The following WASF1 variants were observed in gnomAD, a reference collection of about 807,000 sequenced individuals.
WASF1 encodes the protein WASP family member 1.
WASF1 carries 7 observed loss-of-function variants against 50.5 expected under a neutral mutation model. The ratio of observed to expected loss-of-function variants is 0.14; its 90% CI spans 0.08 to 0.26. WASF1 has a LOEUF of 0.26. Among genes scored for constraint, WASF1 ranks in the 10% least tolerant of loss-of-function variants. The pLI, the probability that WASF1 is intolerant of heterozygous loss-of-function variation, is 1.00. For synonymous variants in WASF1, 205 were observed against 244.0 expected (o/e 0.84, Z 1.49); for missense variants, 470 against 694.7 (o/e 0.68, Z 3.64).
chr6:110,167,438 T>C (rs767867482), intron 2 of WASF1, among the ~76,000 whole-genome samples: 4 of 151,934 alleles, frequency 2.6e-5, no homozygotes, highest in Non-Finnish European at 4.4e-5. Context: ...GATGTGGAGG[T>C]AGAAGACAGT....
intron 8 of WASF1, among the ~76,000 whole-genome samples, chr6:110,104,453 A>G (rs1365067685): frequency 6.6e-6 from 1 of 152,174 alleles, no homozygotes; most frequent in Non-Finnish European, 1.5e-5. Flanking sequence ...ATTTATATGT[A>G]TATTACTTAA....
chr6:110,171,766 T>C (rs1353077641), intron 2 of WASF1, among the ~76,000 whole-genome samples: 2 of 151,728 alleles, frequency 1.3e-5, no homozygotes, highest in Non-Finnish European at 2.9e-5. Flanking sequence ...TGGGAGAAAA[T>C]TTTTGCAATC....
intron 4 of WASF1, among the ~76,000 whole-genome samples, chr6:110,123,951 T>C (rs1221963251): frequency 6.6e-6 from 1 of 152,046 alleles, no homozygotes; most frequent in Non-Finnish European, 1.5e-5. Context: ...CCAGTGGTTG[T>C]TAATGAAAGG....
chr6:110,126,653 G>C (rs781693653), intron 4 of WASF1, among the ~76,000 whole-genome samples: 42 of 152,198 alleles, frequency 2.8e-4, no homozygotes, highest in Non-Finnish European at 5.0e-4. Context: ...TCTCTGCCAA[G>C]AACACCTTGT....
At chr6:110,101,513 A>G in intron 10 of WASF1, 75 bp downstream of exon 10, 2 of 1,514,174 alleles carry the variant, frequency 1.3e-6, no homozygotes, top group Non-Finnish European at 1.8e-6. Flanking sequence ...GATAAGGAAC[A>G]CATTTTTGTC....
In WASF1 at chr6:110,127,648, AAATT is replaced by A; in HGVS notation, c.-28-23_-28-20del. The A allele has an allele frequency of 6.8e-7, 1 of 1,467,918 alleles. No individual in the cohort carries two copies. Among genetic ancestry groups the A allele is most frequent in the Middle Eastern group, 1.8e-4 (1 of 5,512 alleles). 90.9% of individuals were successfully genotyped at this position (1,467,918 alleles called of 1,614,324 possible). On this transcript the variant is annotated intron_variant, in intron 3 of 10. Transcript: ENST00000392589. ...AGTTCACCTGTAGGAAATCAAAAAT[AAATT>A]AACAATATTAAATTTCAGCCAACAC... is the stretch of plus-strand genomic sequence containing the variant.
chr6:110,163,662 C>A (rs1776354774), intron 2 of WASF1, among the ~76,000 whole-genome samples: 1 of 151,698 alleles, frequency 6.6e-6, no homozygotes, highest in African/African-American at 2.4e-5. Context: ...ATCTTCCCAA[C>A]TTGATCTGTA....
chr6:110,169,580 G>A (rs1163318102), intron 2 of WASF1, among the ~76,000 whole-genome samples: 5 of 152,124 alleles, frequency 3.3e-5, no homozygotes, highest in Non-Finnish European at 7.4e-5. Context: ...CACTGCACAT[G>A]ACTTGAACTC....
intron 2 of WASF1, among the ~76,000 whole-genome samples, chr6:110,161,710 C>A (rs1488815692): frequency 1.3e-5 from 2 of 151,494 alleles, no homozygotes; most frequent in Non-Finnish European, 3.0e-5. Flanking sequence ...ATACCTTTTA[C>A]AATGAATTAT....
intron 2 of WASF1, among the ~76,000 whole-genome samples, chr6:110,173,740 T>C (rs56806615): frequency 0.086 from 13,039 of 152,232 alleles, 870 homozygotes; most frequent in African/African-American, 0.19. Flanking sequence ...CTGGCTTATC[T>C]AGCCCACAGG....
At chr6:110,137,349 A>G (rs779410671) in intron 3 of WASF1, among the ~76,000 whole-genome samples, 1 of 152,202 alleles carries the variant, frequency 6.6e-6, no homozygotes, top group Non-Finnish European at 1.5e-5. Context: ...TTCTAAATTA[A>G]CATCTCTCAT....
At chr6:110,101,119 A>G (rs1562159346) in intron 10 of WASF1, among the ~76,000 whole-genome samples, 2 of 152,220 alleles carry the variant, frequency 1.3e-5, no homozygotes, top group Non-Finnish European at 2.9e-5. Flanking sequence ...TTAGGAAATA[A>G]TGACAATAAA....
intron 3 of WASF1, among the ~76,000 whole-genome samples, chr6:110,129,524 A>G (rs916432187): frequency 6.6e-6 from 1 of 152,218 alleles, no homozygotes; most frequent in African/African-American, 2.4e-5. Context: ...AGGAAGTGAC[A>G]CTAGCAAAAA....
At chr6:110,135,185 G>A (rs1463646642) in intron 3 of WASF1, among the ~76,000 whole-genome samples, 1 of 152,180 alleles carries the variant, frequency 6.6e-6, no homozygotes, top group Non-Finnish European at 1.5e-5. Context: ...CACTATTGGT[G>A]TATAGCAGTG....
intron 2 of WASF1, among the ~76,000 whole-genome samples, chr6:110,161,998 A>C (rs1022631617): frequency 2.0e-5 from 3 of 151,604 alleles, no homozygotes; most frequent in Non-Finnish European, 3.0e-5. Flanking sequence ...GTTTATTATT[A>C]AGCAATTTTG....
chr6:110,145,248 T>C (rs1775499352), intron 3 of WASF1, among the ~76,000 whole-genome samples: 1 of 152,198 alleles, frequency 6.6e-6, no homozygotes, highest in South Asian at 2.1e-4. Context: ...AGTCATGATT[T>C]GGCTCTCTGT....
chr6:110,164,591 G>C (rs893267255), intron 2 of WASF1, among the ~76,000 whole-genome samples: 2 of 151,478 alleles, frequency 1.3e-5, no homozygotes, highest in African/African-American at 4.8e-5. Context: ...AGAGCAAGAA[G>C]AACTCTCATT....
intron 5 of WASF1, among the ~76,000 whole-genome samples, chr6:110,109,318 T>G (rs1322262176): frequency 6.6e-6 from 1 of 152,206 alleles, no homozygotes; most frequent in Non-Finnish European, 1.5e-5. Flanking sequence ...TGTACATTAG[T>G]ATTCCCAGTC....
chr6:110,167,372 T>C (rs916042209), intron 2 of WASF1, among the ~76,000 whole-genome samples: 5 of 151,968 alleles, frequency 3.3e-5, no homozygotes, highest in Non-Finnish European at 5.9e-5. Context: ...ATTGTTATCA[T>C]AGGAGATGAC....
Sources: gnomAD v4.1 joint callset for allele counts (sites outside exome capture counted in the v4.1 genomes callset) on GRCh38, gnomAD v4.1.1 for gene constraint, MANE v1.5 for transcripts, NCBI Gene and HGNC (gene_info 2026-07-23, HGNC 2026-07-21) for gene names.